The following CDC42SE2 variants were observed in gnomAD, a reference collection of about 807,000 sequenced individuals.
CDC42SE2 encodes CDC42 small effector 2, also known as CDC42 small effector protein 2.
In CDC42SE2, 3 loss-of-function variants were observed where a neutral mutation model predicts 11.5. The observed-to-expected ratio is 0.26, with a 90% CI of 0.12 to 0.67. CDC42SE2 has a LOEUF of 0.67. Among genes scored for constraint, CDC42SE2 ranks in the 30% least tolerant of loss-of-function variants. The pLI is 0.80. For synonymous variants in CDC42SE2, 33 were observed against 34.8 expected (o/e 0.95, Z 0.18); for missense variants, 82 against 106.8 (o/e 0.77, Z 1.02).
chr5:131,282,329 G>T (rs1416099414), intron 1 of CDC42SE2, among the ~76,000 whole-genome samples: 2 of 152,190 alleles, frequency 1.3e-5, no homozygotes, highest in Admixed American at 6.6e-5. Context: ...GATATGGGGA[G>T]AAAGTGTTCA....
At chr5:131,295,717 C>G (rs1387933765) in intron 1 of CDC42SE2, among the ~76,000 whole-genome samples, 1 of 149,008 alleles carries the variant, frequency 6.7e-6, no homozygotes, top group Non-Finnish European at 1.5e-5. Context: ...GAGTCTTGCT[C>G]TGTCACCCAG....
the CDC42SE2 span, among the ~76,000 whole-genome samples, chr5:131,216,309 C>T: frequency 1.3e-5 from 2 of 151,900 alleles, no homozygotes; most frequent in Admixed American, 6.6e-5. Flanking sequence ...CCAGCCTGGG[C>T]AGTATAGAGA....
At chr5:131,390,340 T>A (rs1383352701) in intron 4 of CDC42SE2, among the ~76,000 whole-genome samples, 1 of 152,190 alleles carries the variant, frequency 6.6e-6, no homozygotes, top group Non-Finnish European at 1.5e-5. Context: ...ATTGAGGTGA[T>A]TATATATGTG....
intron 1 of CDC42SE2, among the ~76,000 whole-genome samples, chr5:131,305,130 G>A (rs552269393): frequency 1.2e-4 from 19 of 152,040 alleles, no homozygotes; most frequent in African/African-American, 4.6e-4. Flanking sequence ...TATACTCTTT[G>A]TGTGGCTTCT....
chr5:131,282,828 ACCATATTAG>A (rs993564231), intron 1 of CDC42SE2, among the ~76,000 whole-genome samples: 4 of 148,622 alleles, frequency 2.7e-5, no homozygotes, highest in African/African-American at 1.0e-4. Flanking sequence ...ACGGGGTTTC[ACCATATTAG>A]CCAGGATGGT....
At chr5:131,339,290 G>C (rs1758652973) in intron 2 of CDC42SE2, among the ~76,000 whole-genome samples, 2 of 127,434 alleles carry the variant, frequency 1.6e-5, no homozygotes, top group African/African-American at 6.1e-5. Flanking sequence ...TTTTCAAACA[G>C]AGAGACCTGG....
the CDC42SE2 span, among the ~76,000 whole-genome samples, chr5:131,220,078 G>A: frequency 2.0e-5 from 3 of 152,208 alleles, no homozygotes; most frequent in African/African-American, 7.2e-5. Context: ...AGGGATTACT[G>A]AGAAACACTG....
chr5:131,363,676 CT>C (rs927191496), intron 3 of CDC42SE2, among the ~76,000 whole-genome samples: 115 of 139,878 alleles, frequency 8.2e-4, no homozygotes, highest in East Asian at 3.5e-3. Context: ...CGCGCCCGGC[CT>C]TTTTTTTTTC....
chr5:131,267,726 A>C (rs1418873082), intron 1 of CDC42SE2, among the ~76,000 whole-genome samples: 2 of 152,070 alleles, frequency 1.3e-5, no homozygotes, highest in Non-Finnish European at 1.5e-5. Flanking sequence ...CTAATTTCTC[A>C]CATTATTTTC....
intron 2 of CDC42SE2, among the ~76,000 whole-genome samples, chr5:131,322,556 A>T (rs1758214280): frequency 6.6e-6 from 1 of 152,174 alleles, no homozygotes; most frequent in Non-Finnish European, 1.5e-5. Context: ...TTTATTGCCC[A>T]GGCTGGACTT....
At chr5:131,213,226 CATAAAG>C in the CDC42SE2 span, among the ~76,000 whole-genome samples, 1 of 151,808 alleles carries the variant, frequency 6.6e-6, no homozygotes, top group South Asian at 2.1e-4. Flanking sequence ...TCCATTAGTT[CATAAAG>C]ATAGAGAGAG....
chr5:131,284,474 A>C (rs1212539633), intron 1 of CDC42SE2, among the ~76,000 whole-genome samples: 1 of 152,006 alleles, frequency 6.6e-6, no homozygotes, highest in Non-Finnish European at 1.5e-5. Flanking sequence ...GATGGTTATT[A>C]ATTTCTTTAT....
chr5:131,213,362 G>A, the CDC42SE2 span, among the ~76,000 whole-genome samples: 3 of 152,112 alleles, frequency 2.0e-5, no homozygotes, highest in African/African-American at 7.2e-5. Context: ...TAATTTTGTT[G>A]TGGGTAGGGT....
intron 4 of CDC42SE2, among the ~76,000 whole-genome samples, chr5:131,386,675 G>A (rs912017544): frequency 6.6e-5 from 10 of 152,150 alleles, no homozygotes; most frequent in Admixed American, 5.2e-4. Flanking sequence ...CACCAAATGC[G>A]GGTTCTTATC....
chr5:131,300,970 A>G (rs1757667188), intron 1 of CDC42SE2, among the ~76,000 whole-genome samples: 2 of 152,176 alleles, frequency 1.3e-5, no homozygotes, highest in African/African-American at 2.4e-5. Flanking sequence ...CATTCTTACA[A>G]TAATTCTCTG....
chr5:131,381,845 T>C (rs774219504), intron 3 of CDC42SE2, among the ~76,000 whole-genome samples: 28 of 152,234 alleles, frequency 1.8e-4, no homozygotes, highest in Middle Eastern at 3.2e-3. Context: ...CCATTGTTCT[T>C]GGGAGGATCA....
chr5:131,325,446 G>A (rs774061743), intron 2 of CDC42SE2, among the ~76,000 whole-genome samples: 36 of 148,912 alleles, frequency 2.4e-4, no homozygotes, highest in Non-Finnish European at 4.6e-4. Context: ...TAAAATTTGC[G>A]TCCTTTTCCC....
intron 1 of CDC42SE2, among the ~76,000 whole-genome samples, chr5:131,275,022 T>G (rs2075248454): frequency 6.6e-6 from 1 of 152,130 alleles, no homozygotes; most frequent in Admixed American, 6.6e-5. Flanking sequence ...AGAAACAAAT[T>G]TAGATGCAAG....
At chr5:131,232,734 CAA>C in the CDC42SE2 span, among the ~76,000 whole-genome samples, 6 of 42,180 alleles carry the variant, frequency 1.4e-4, no homozygotes, top group African/African-American at 5.4e-4. Context: ...GACTCGGTCT[CAA>C]AAAAAAAAAA....
Sources: allele counts gnomAD v4.1 joint callset (sites outside exome capture counted in the v4.1 genomes callset), GRCh38; gene constraint gnomAD v4.1.1; transcripts MANE v1.5; gene names NCBI Gene and HGNC (gene_info 2026-07-23, HGNC 2026-07-21).